Variants in CARMIL2 observed in about 807,000 individuals in gnomAD.
CARMIL2 encodes capping protein, Arp2/3 and myosin-I linker protein 2.
A neutral mutation model predicts 173.3 loss-of-function variants in CARMIL2; 96 were observed. The observed-to-expected ratio is 0.55, with a 90% CI of 0.47 to 0.66. CARMIL2 has a LOEUF of 0.66. Among genes scored for constraint, CARMIL2 ranks in the 30% least tolerant of loss-of-function variants. The pLI is 0.00. For missense variants in CARMIL2, 1,771 were observed against 1,906.7 expected (o/e 0.93, Z 1.33); for synonymous variants, 830 against 817.1 (o/e 1.02, Z -0.27).
chr16:67,657,467 G>A lies in CARMIL2; in HGVS notation c.4257G>A (p.Arg1419=), dbSNP rs759817398. 26 of 1,611,560 alleles carry A rather than the reference G, an allele frequency of 1.6e-5. No homozygotes were observed. The highest frequency in any genetic ancestry group is 2.2e-5 in the South Asian group (2 of 90,868). The change falls in exon 38 of 38, where the codon CGG becomes CGA. Residue 1419 remains arginine, a synonymous_variant. Coordinates refer to ENST00000334583, the MANE Select transcript of CARMIL2 (RefSeq NM_001013838.3). The surrounding 1 kb of genome is among the most constrained non-coding windows in gnomAD (Gnocchi z 4.5). The part of the protein sequence containing the change: ...PQPTEPSSPE[R]SPPSPATDQR... The stretch of plus-strand genomic sequence containing the variant: ...CCACAGAGCCCTCCAGCCCTGAGCG[G>A]AGCCCACCCTCCCCAGCCACAGACC...
chr16:67,654,274 G>A, intron 30 of CARMIL2, 25 bp downstream of exon 30: 4 of 1,572,054 alleles, frequency 2.5e-6, no homozygotes, highest in Non-Finnish European at 2.6e-6. Context: ...TCTGCTGGGG[G>A]TGGGAGAGGG....
Position 67,651,524 on chromosome 16 carries a change from T to C in CARMIL2, c.2427+10T>C. On this transcript the variant is annotated intron_variant, in intron 24 of 37. Coordinates refer to ENST00000334583, the MANE Select transcript of CARMIL2 (RefSeq NM_001013838.3). The surrounding 1 kb of genome is among the most constrained non-coding windows in gnomAD (Gnocchi z 4.2). ...CCGCCAGGACATCCAGGTGAGAGGGTACTCCTGCCCCAACCCCACCTCCGT... is the reference window on the plus strand; with the variant it reads ...CCGCCAGGACATCCAGGTGAGAGGGCACTCCTGCCCCAACCCCACCTCCGT... 1 of 1,576,920 alleles carries C rather than the reference T, an allele frequency of 6.3e-7. No homozygotes were observed. Among genetic ancestry groups the C allele is most frequent in the Non-Finnish European group, 8.6e-7 (1 of 1,161,026 alleles).
chr16:67,648,169 G>A lies in CARMIL2; in HGVS notation c.1189G>A (p.Ala397Thr). Reference protein sequence around the residue: ...CSVGGWMTGRADWRAGRGGLG... With the variant: ...CSVGGWMTGRTDWRAGRGGLG... ...CGTGGGGGGATGGATGACCGGCAGG[G>A]CGGACTGGAGGGCGGGACGGGGAGG... Residue 397 changes from alanine to threonine, a missense_variant, in exon 14 of 38, where the codon GCG becomes ACG. Ala to Thr is a moderately conservative substitution (Grantham distance 58). Coordinates refer to ENST00000334583, the MANE Select transcript of CARMIL2 (RefSeq NM_001013838.3). The surrounding 1 kb of genome is among the most constrained non-coding windows in gnomAD (Gnocchi z 6.1). The A allele has an allele frequency of 6.2e-7, 1 of 1,611,254 alleles. No homozygotes were observed. The highest frequency in any genetic ancestry group is 1.3e-5 in the African/African-American group (1 of 74,948).
rs762938248 is a variant in CARMIL2, at chr16:67,651,020, A to T, written c.2185-167A>T. 70 of 705,092 alleles carry T rather than the reference A, an allele frequency of 9.9e-5. No individual in the cohort carries two copies. Among genetic ancestry groups the T allele is most frequent in the Non-Finnish European group, 1.4e-4 (59 of 435,146 alleles). The allele number at this position is 705,092 out of a possible 1,614,324, so 43.7% of individuals were successfully genotyped here. A position where few individuals can be genotyped will look rare whatever the true frequency, so the allele number is the denominator to read the frequency against. ...ATATAAAGTCCTTAAAATGAACCAA[A>T]GCAACAGATAGTTCCTTCCCTCCTT... On this transcript the variant is annotated intron_variant, in intron 22 of 37. Transcript: ENST00000334583. The surrounding 1 kb of genome is among the most constrained non-coding windows in gnomAD (Gnocchi z 4.2).
In CARMIL2 at chr16:67,657,282, G is replaced by A; in HGVS notation, c.4161G>A (p.Arg1387=). 6 of 1,613,716 alleles carry A rather than the reference G, an allele frequency of 3.7e-6. No individual in the cohort carries two copies. The highest frequency in any genetic ancestry group is 5.1e-6 in the Non-Finnish European group (6 of 1,179,816). Residue 1387 remains arginine, a synonymous_variant, in exon 37 of 38, where the codon AGG becomes AGA. Transcript: ENST00000334583. This position sits in a 1 kb window ranked among gnomAD's most constrained non-coding sequence, Gnocchi z 4.5. Reference sequence around the variant, plus strand: ...AGCGCTCCCCCGTCCTCAAACGCAGGCCAAAACTCGAGGCACCTCCATCCC... The same window carrying A: ...AGCGCTCCCCCGTCCTCAAACGCAGACCAAAACTCGAGGCACCTCCATCCC... ...RLQRSPVLKR[R]PKLEAPPSPS...
chr16:67,654,782 G>GAT lies in CARMIL2; in HGVS notation c.3587_3588insAT (p.Pro1197CysfsTer20). 6.2e-7 allele frequency: 1 copy of GAT among 1,613,372 alleles called. No individual in the cohort carries two copies. The highest frequency in any genetic ancestry group is 8.5e-7 in the Non-Finnish European group (1 of 1,179,868). ...CTCGAGCATCTCTGTCCCTAGCGGC[G>GAT]GCCCCTGGAGCGGGGAGAAACAGAA... On this transcript the variant is annotated frameshift_variant, in exon 32 of 38. Coordinates refer to ENST00000334583, the MANE Select transcript of CARMIL2 (RefSeq NM_001013838.3). LOFTEE classifies it high-confidence loss of function.
At chr16:67,656,135 A>G in intron 33 of CARMIL2, 68 bp downstream of exon 33, 1 of 1,607,050 alleles carries the variant, frequency 6.2e-7, no homozygotes, top group Non-Finnish European at 8.5e-7. Context: ...CCCCCAAGGC[A>G]CTTGCTCTCC....
Position 67,649,114 on chromosome 16 carries a change from G to T in CARMIL2, c.1630G>T (p.Gly544Trp), listed in dbSNP as rs755491634. The T allele has an allele frequency of 6.2e-7, 1 of 1,613,188 alleles. No homozygotes were observed. Among genetic ancestry groups the T allele is most frequent in the Non-Finnish European group, 8.5e-7 (1 of 1,179,772 alleles). ...SDMVTLVLAI[G>W]RSRSLRHVAL... ...CATGGTGACTCTGGTGCTGGCCATC[G>T]GGAGAAGCCGGTCCCTGAGACATGT... Residue 544 changes from glycine to tryptophan, a missense_variant, in exon 18 of 38, where the codon GGG becomes TGG. Physicochemically the swap from Gly to Trp is radical, Grantham distance 184. This residue lies in a region of CARMIL2 where 944 missense variants were observed against 975.6 expected (regional missense o/e 0.97). Coordinates refer to ENST00000334583, the MANE Select transcript of CARMIL2 (RefSeq NM_001013838.3). This position sits in a 1 kb window ranked among gnomAD's most constrained non-coding sequence, Gnocchi z 6.7.
Position 67,646,327 on chromosome 16 carries a change from T to C in CARMIL2, c.374+17T>C. 1.2e-6 allele frequency: 2 copies of C among 1,611,256 alleles called. No individual in the cohort carries two copies. The highest frequency in any genetic ancestry group is 1.7e-6 in the Non-Finnish European group (2 of 1,178,180). Reference sequence around the variant, plus strand: ...GACCCTTGGGTGAGGCCTGGCAAATTCGAGGGGCTGGCAGGGGAGGAGGGA... The same window carrying C: ...GACCCTTGGGTGAGGCCTGGCAAATCCGAGGGGCTGGCAGGGGAGGAGGGA... On this transcript the variant is annotated intron_variant, in intron 5 of 37. Coordinates refer to ENST00000334583, the MANE Select transcript of CARMIL2 (RefSeq NM_001013838.3). The surrounding 1 kb of genome is among the most constrained non-coding windows in gnomAD (Gnocchi z 4.6).
intron 33 of CARMIL2, 75 bp downstream of exon 33, chr16:67,656,142 C>G: frequency 6.2e-7 from 1 of 1,606,924 alleles, no homozygotes; most frequent in East Asian, 2.2e-5. Flanking sequence ...GGCACTTGCT[C>G]TCCTTGGGGA....
In CARMIL2 at chr16:67,647,735, C is replaced by T. The variant is rs1478595323; in HGVS notation, c.927C>T (p.Leu309=). Residue 309 remains leucine, a synonymous_variant, in exon 12 of 38, where the codon CTC becomes CTT. Transcript: ENST00000334583. ...LERCPGALRR[L]SLAQTGLTPR... ...GTTGTCCAGGAGCCCTGAGGAGACT[C>T]AGCCTGGCCCAGACAGGGTTGACAC... 3 of 1,586,418 alleles carry T rather than the reference C, an allele frequency of 1.9e-6. No homozygotes were observed. The highest frequency in any genetic ancestry group is 2.6e-6 in the Non-Finnish European group (3 of 1,169,570).
chr16:67,656,264 T>G lies in CARMIL2; in HGVS notation c.3779T>G (p.Ile1260Ser), dbSNP rs2052852522. 5.0e-6 allele frequency: 8 copies of G among 1,613,864 alleles called. No individual in the cohort carries two copies. Among genetic ancestry groups the G allele is most frequent in the Non-Finnish European group, 6.8e-6 (8 of 1,179,898 alleles). The change falls in exon 34 of 38, where the codon ATC becomes AGC. Residue 1260 changes from isoleucine to serine, a missense_variant. Coordinates refer to ENST00000334583, the MANE Select transcript of CARMIL2 (RefSeq NM_001013838.3). ...GACAGTTCCACGGAGGCCCCTCCCATCTCGATCAAGTCCCGCACCCACTCT... is the reference window on the plus strand; with the variant it reads ...GACAGTTCCACGGAGGCCCCTCCCAGCTCGATCAAGTCCCGCACCCACTCT... ...IMDSSTEAPP[I>S]SIKSRTHSVS...
rs1408383198 is a variant in CARMIL2, at chr16:67,656,425, C to A, written c.3816C>A (p.Asp1272Glu). ...TGGCTGACACCTTTCTCCCTACAGA[C>A]CCTTCCTGCAGACCTGGCCCAGGGA... ...IKSRTHSVSA[D>E]PSCRPGPGSQ... Residue 1272 changes from aspartate (D) to glutamate (E), a missense_variant and splice_region_variant, in exon 35 of 38, where the codon GAC (aspartate) becomes GAA (glutamate). Coordinates refer to ENST00000334583, the MANE Select transcript of CARMIL2 (RefSeq NM_001013838.3). 2.5e-6 allele frequency: 4 copies of A among 1,609,200 alleles called. No homozygotes were observed. Among genetic ancestry groups the A allele is most frequent in the South Asian group, 1.1e-5 (1 of 90,572 alleles).
Position 67,649,145 on chromosome 16 carries a change from T to C in CARMIL2, c.1661T>C (p.Leu554Pro), listed in dbSNP as rs770865164. The change falls in exon 18 of 38, where the codon CTT (leucine) becomes CCT (proline). Residue 554 changes from leucine (L) to proline (P), a missense_variant. Around this residue, in one of 3 missense-constraint regions of CARMIL2, gnomAD observed 944 missense variants for 975.6 expected, o/e 0.97. Coordinates refer to ENST00000334583, the MANE Select transcript of CARMIL2 (RefSeq NM_001013838.3). This position sits in a 1 kb window ranked among gnomAD's most constrained non-coding sequence, Gnocchi z 6.7. The part of the protein sequence containing the change: ...GRSRSLRHVA[L>P]GRNFNVRCKE... ...AGCCGGTCCCTGAGACATGTGGCGC[T>C]TGGAAGGAACTTCAACGTCCGGTGC... is the stretch of plus-strand genomic sequence containing the variant. The C allele has an allele frequency of 6.2e-7, 1 of 1,613,536 alleles. No individual in the cohort carries two copies. The highest frequency in any genetic ancestry group is 8.5e-7 in the Non-Finnish European group (1 of 1,179,788).
Position 67,647,556 on chromosome 16 carries a change from T to C in CARMIL2, c.825T>C (p.Ser275=). The change falls in exon 11 of 38, where the codon TCT becomes TCC. Residue 275 remains serine (S), a synonymous_variant. Coordinates refer to ENST00000334583, the MANE Select transcript of CARMIL2 (RefSeq NM_001013838.3). ...AGGCGCTGGCGGGACACTCAAGCTC[T>C]GGGCTGCGGGAGCTCAGCCTCGCGG... is the stretch of plus-strand genomic sequence containing the variant. ...LAQALAGHSS[S]GLRELSLAGN... is the part of the protein sequence containing the mutation. 1 of 1,611,132 alleles carries C rather than the reference T, an allele frequency of 6.2e-7. No individual in the cohort carries two copies. The highest frequency in any genetic ancestry group is 1.1e-5 in the South Asian group (1 of 90,514).
At chr16:67,650,547 C>A (rs747078761) in intron 22 of CARMIL2, 1 of 234,298 alleles carries the variant, frequency 4.3e-6, no homozygotes, top group Non-Finnish European at 8.4e-6. Flanking sequence ...ATGTTTCTAC[C>A]TCTCCATTCC....
chr16:67,648,029 T>A lies in CARMIL2; in HGVS notation c.1072-23T>A, dbSNP rs2052632492. The A allele has an allele frequency of 3.0e-5, 48 of 1,609,548 alleles. No homozygotes were observed. Among genetic ancestry groups the A allele is most frequent in the Non-Finnish European group, 4.1e-5 (48 of 1,178,168 alleles). On this transcript the variant is annotated intron_variant, in intron 13 of 37. Transcript: ENST00000334583. The surrounding 1 kb of genome is among the most constrained non-coding windows in gnomAD (Gnocchi z 6.1). ...CCTGGGTAGGCGATCCCCCACTCCA[T>A]CGCACCCCTGTCCTCCCTCCAGGGC...
rs762341535 is a variant in CARMIL2, at chr16:67,649,777, G to A, written c.1920-29G>A. 5.0e-6 allele frequency: 8 copies of A among 1,600,816 alleles called. No individual in the cohort carries two copies. In the Admixed American group the frequency reaches 5.0e-5, roughly 10 times the overall value. On this transcript the variant is annotated intron_variant, in intron 20 of 37. Transcript: ENST00000334583. The surrounding 1 kb of genome is among the most constrained non-coding windows in gnomAD (Gnocchi z 6.7). Reference sequence around the variant, plus strand: ...GTTGGGTGGGGCGTTGGGAAGCTCCGTCCCCGACTGAAGCCAGGCCCGGCC... The same window carrying A: ...GTTGGGTGGGGCGTTGGGAAGCTCCATCCCCGACTGAAGCCAGGCCCGGCC...
Position 67,648,207 on chromosome 16 carries a change from C to A in CARMIL2, c.1227C>A (p.Pro409=). The A allele has an allele frequency of 1.9e-6, 3 of 1,604,690 alleles. No homozygotes were observed. Among genetic ancestry groups the A allele is most frequent in the Non-Finnish European group, 1.7e-6 (2 of 1,176,492 alleles). The part of the protein sequence containing the change: ...WRAGRGGLGP[P]AGVANSLPPQ... ...CGGGACGGGGAGGGCTCGGTCCCCC[C>A]GCGGGTGTAGCCAACAGCCTCCCCC... The change falls in exon 14 of 38, where the codon CCC becomes CCA. Residue 409 remains proline (P), a synonymous_variant. Transcript: ENST00000334583. This position sits in a 1 kb window ranked among gnomAD's most constrained non-coding sequence, Gnocchi z 6.1.
Sources: allele counts gnomAD v4.1 joint callset, GRCh38; gene constraint gnomAD v4.1.1; regional missense constraint gnomAD v4.1.1; non-coding constraint Gnocchi (gnomAD v3.1); transcripts MANE v1.5; gene names NCBI Gene and HGNC (gene_info 2026-07-23, HGNC 2026-07-21).